HMCN1: variants seen among roughly 807,000 people sequenced by gnomAD.
HMCN1 encodes the protein hemicentin-1.
Under a neutral mutation model 625.9 loss-of-function variants are expected in HMCN1, and 321 were observed. The observed-to-expected ratio is 0.51, with a 90% confidence interval of 0.47 to 0.56. The LOEUF (loss-of-function observed/expected upper bound fraction) is 0.56. HMCN1 is among the 20% of genes least tolerant of loss of function. HMCN1 has a pLI of 0.00. For missense variants in HMCN1, 6,588 were observed against 6,887.3 expected, an observed-to-expected ratio of 0.96 and a Z score of 1.54; for synonymous variants, 2,425 against 2,417.6, an observed-to-expected ratio of 1.00 and a Z score of -0.09.
chr1:186,137,916 G>T lies in HMCN1; in HGVS notation c.13868G>T (p.Arg4623Leu). 1 of 1,614,040 alleles carries T rather than the reference G, an allele frequency of 6.2e-7. No homozygotes were observed. The highest frequency in any genetic ancestry group is 1.7e-4 in the Middle Eastern group (1 of 6,060). Residue 4623 changes from arginine (R) to leucine (L), a missense_variant, in exon 89 of 107, where the codon CGG becomes CTG. Arg to Leu is a moderately radical substitution (Grantham distance 102, BLOSUM62 -2). This residue lies in a region of HMCN1 where 1,954 missense variants were observed against 2,013.1 expected (regional missense o/e 0.97). Coordinates refer to ENST00000271588, the MANE Select transcript of HMCN1 (RefSeq NM_031935.3). ...CNNPSVQHGG[R>L]PCEGNAVEII... Reference sequence around the variant, plus strand: ...AATCCATCAGTTCAGCATGGTGGGCGGCCATGTGAAGGGAATGCTGTGGAA... The same window carrying T: ...AATCCATCAGTTCAGCATGGTGGGCTGCCATGTGAAGGGAATGCTGTGGAA...
At chr1:186,062,094 G>T (rs1265859773) in intron 47 of HMCN1, 130 bp downstream of exon 47, 5 of 623,488 alleles carry the variant, frequency 8.0e-6, no homozygotes, top group Non-Finnish European at 1.4e-5. Context: ...CTCTTGGCAA[G>T]AATTCAATAT....
intron 98 of HMCN1, among the ~76,000 whole-genome samples, chr1:186,165,423 A>G (rs1024207048): frequency 1.3e-5 from 2 of 152,230 alleles, no homozygotes; most frequent in African/African-American, 4.8e-5. Context: ...ATTTGGCCAC[A>G]GCCAACTGTG....
At chr1:186,026,992 A>G (rs193100814) in intron 36 of HMCN1, among the ~76,000 whole-genome samples, 1 of 152,206 alleles carries the variant, frequency 6.6e-6, no homozygotes, top group Admixed American at 6.5e-5. Context: ...GCAAATGTGC[A>G]TTTACTACAG....
rs752877595 is a variant in HMCN1, at chr1:185,812,172, T to A, written c.269-33854T>A. Among the ~76,000 whole-genome samples the A allele has an allele frequency of 1.2e-3, 187 of 152,128 alleles. 3 individuals carry two copies. Among genetic ancestry groups the A allele is most frequent in the Non-Finnish European group, 2.4e-3 (163 of 67,972 alleles). ...TTTTTTTTTTAGGGCAAGATATAAG[T>A]GATTATAAAAGGGAAGCAGATTGCT... On this transcript the variant is annotated intron_variant, in intron 1 of 106. Coordinates refer to ENST00000271588, the MANE Select transcript of HMCN1 (RefSeq NM_031935.3).
intron 30 of HMCN1, among the ~76,000 whole-genome samples, chr1:186,010,564 TA>T (rs1653935614): frequency 6.6e-6 from 1 of 152,202 alleles, no homozygotes; most frequent in African/African-American, 2.4e-5. Flanking sequence ...GTTTCATTAA[TA>T]TATTATCCAA....
intron 4 of HMCN1, among the ~76,000 whole-genome samples, chr1:185,871,844 G>A (rs765951284): frequency 1.3e-5 from 2 of 152,200 alleles, no homozygotes; most frequent in Non-Finnish European, 2.9e-5. Flanking sequence ...TAGACCATGA[G>A]CTTTCTGCAT....
intron 42 of HMCN1, 66 bp from the exon 43 acceptor site, chr1:186,052,886 C>A: frequency 2.2e-6 from 3 of 1,337,152 alleles, no homozygotes; most frequent in South Asian, 1.2e-5. Flanking sequence ...TTTTATCTTA[C>A]ATGTAAACTG....
intron 68 of HMCN1, among the ~76,000 whole-genome samples, chr1:186,098,879 T>G (rs1179781172): frequency 3.3e-5 from 5 of 152,114 alleles, no homozygotes; most frequent in Non-Finnish European, 5.9e-5. Flanking sequence ...TATGACAACA[T>G]GGATGAACCT....
intron 14 of HMCN1, among the ~76,000 whole-genome samples, chr1:185,969,570 A>G (rs909189337): frequency 2.2e-4 from 33 of 152,260 alleles, no homozygotes; most frequent in African/African-American, 6.7e-4. Flanking sequence ...TGGCTGGTGT[A>G]TGATATTTTG....
intron 4 of HMCN1, among the ~76,000 whole-genome samples, chr1:185,893,852 A>G (rs894733361): frequency 3.9e-5 from 6 of 152,342 alleles, no homozygotes; most frequent in Admixed American, 1.3e-4. Context: ...CACAAACTCA[A>G]CATATCCTGG....
intron 1 of HMCN1, among the ~76,000 whole-genome samples, chr1:185,741,020 AAAC>A (rs1653960677): frequency 6.6e-6 from 1 of 152,022 alleles, no homozygotes; most frequent in African/African-American, 2.4e-5. Flanking sequence ...ACAAAAACAA[AAAC>A]AAGTTGTTAA....
chr1:186,067,726 T>C lies in HMCN1; in HGVS notation c.7706-108T>C, dbSNP rs1035643902. 9.6e-6 allele frequency: 7 copies of C among 729,720 alleles called. No homozygotes were observed. The African/African-American group carries it at 1.1e-4, about 11-fold the overall frequency. The allele number at this position is 729,720 out of a possible 1,614,324, so 45.2% of individuals were successfully genotyped here. ...AATAATAATAATAATTTGTTTTCTG[T>C]AACTGCTAGGGAATGAAATTATACA... On this transcript the variant is annotated intron_variant, in intron 49 of 106. Coordinates refer to ENST00000271588, the MANE Select transcript of HMCN1 (RefSeq NM_031935.3).
chr1:186,088,270 C>T lies in HMCN1; in HGVS notation c.9571C>T (p.Arg3191Cys), dbSNP rs200605337. The T allele has an allele frequency of 3.9e-5, 63 of 1,612,476 alleles. No individual in the cohort carries two copies. Among genetic ancestry groups the T allele is most frequent in the Non-Finnish European group, 4.5e-5 (53 of 1,179,106 alleles). Residue 3191 changes from arginine (R) to cysteine (C), a missense_variant, in exon 62 of 107, where the codon CGC becomes TGC. Physicochemically the swap from Arg to Cys is radical, Grantham distance 180. Around this residue, in one of 3 missense-constraint regions of HMCN1, gnomAD observed 4,628 missense variants for 4,853.1 expected, o/e 0.95. Transcript: ENST00000271588. ...GATAGCATGGTTAAAGAACCACAAG[C>T]GCATAGGTAAGGCAACCATGCATTT... ...PTIAWLKNHK[R>C]IENSDSLEVR...
chr1:186,190,567 G>A lies in HMCN1; in HGVS notation c.*689G>A, dbSNP rs978833235. 11 of 200,426 alleles carry A rather than the reference G, an allele frequency of 5.5e-5. No homozygotes were observed. Among genetic ancestry groups the A allele is most frequent in the Non-Finnish European group, 9.3e-5 (9 of 96,990 alleles). The allele number at this position is 200,426 out of a possible 1,614,324, so 12.4% of individuals were successfully genotyped here. On this transcript the variant is annotated 3_prime_UTR_variant, in exon 107 of 107. Transcript: ENST00000271588. ...ATAAAAAAGACTGCTTTGCCCTCACGTCAGTTGTACATGGCATGGAACTTT... is the reference window on the plus strand; with the variant it reads ...ATAAAAAAGACTGCTTTGCCCTCACATCAGTTGTACATGGCATGGAACTTT...
chr1:185,884,756 AC>A (rs35240840), intron 4 of HMCN1, among the ~76,000 whole-genome samples: 2 of 151,972 alleles, frequency 1.3e-5, no homozygotes, highest in Non-Finnish European at 2.9e-5. Flanking sequence ...TTTATAGAGG[AC>A]CCATGGGGGA....
intron 68 of HMCN1, among the ~76,000 whole-genome samples, chr1:186,098,033 C>T (rs770055643): frequency 2.0e-5 from 3 of 152,048 alleles, no homozygotes; most frequent in Admixed American, 6.6e-5. Context: ...CTATCTTTCA[C>T]TGTATACAAA....
chr1:186,105,396 C>T (rs752071693), intron 69 of HMCN1, among the ~76,000 whole-genome samples: 26 of 152,008 alleles, frequency 1.7e-4, no homozygotes, highest in Admixed American at 6.6e-4. Flanking sequence ...TTTGTTTTTT[C>T]GTGTATTTAT....
chr1:186,155,155 C>G (rs974266304), intron 97 of HMCN1, among the ~76,000 whole-genome samples: 16 of 152,328 alleles, frequency 1.1e-4, no homozygotes, highest in African/African-American at 3.4e-4. Context: ...TCAGTGTTTA[C>G]TCTTGCTTCC....
At chr1:185,887,632 T>C (rs1410265620) in intron 4 of HMCN1, among the ~76,000 whole-genome samples, 1 of 148,910 alleles carries the variant, frequency 6.7e-6, no homozygotes, top group Non-Finnish European at 1.5e-5. Context: ...ACAAAGGACA[T>C]GAACTCATCA....
Sources: gnomAD v4.1 joint callset for allele counts (sites outside exome capture counted in the v4.1 genomes callset) on GRCh38, gnomAD v4.1.1 for gene constraint, gnomAD v4.1.1 regional missense constraint, MANE v1.5 for transcripts, NCBI Gene and HGNC (gene_info 2026-07-23, HGNC 2026-07-21) for gene names.